Variants in RAB3IP observed in about 807,000 individuals in gnomAD.
The protein encoded by RAB3IP is rab-3A-interacting protein.
A neutral mutation model predicts 59.1 loss-of-function variants in RAB3IP; 36 were observed. The ratio of observed to expected loss-of-function variants is 0.61; its 90% CI spans 0.47 to 0.80. The LOEUF (loss-of-function observed/expected upper bound fraction) is 0.80. RAB3IP is among the 30% of genes least tolerant of loss of function. The pLI is 0.00. For synonymous variants in RAB3IP, 207 were observed against 191.2 expected, an observed-to-expected ratio of 1.08 and a Z score of -0.68; for missense variants, 511 against 536.0, an observed-to-expected ratio of 0.95 and a Z score of 0.46.
chr12:69,767,574 A>G (rs1348156656), intron 3 of RAB3IP, among the ~76,000 whole-genome samples: 3 of 152,242 alleles, frequency 2.0e-5, no homozygotes, highest in Admixed American at 2.0e-4. Flanking sequence ...AATCCCCTTC[A>G]GCCCTAAGTT....
At chr12:69,778,499 TAG>T (rs1299817909) in intron 3 of RAB3IP, among the ~76,000 whole-genome samples, 2 of 149,010 alleles carry the variant, frequency 1.3e-5, no homozygotes, top group African/African-American at 5.0e-5. Context: ...CTCTGATTTT[TAG>T]AGTTTCCAGT....
chr12:69,804,977 A>G (rs1371012295), intron 8 of RAB3IP, among the ~76,000 whole-genome samples: 3 of 152,258 alleles, frequency 2.0e-5, no homozygotes, highest in South Asian at 4.1e-4. Context: ...TTGGCAATGT[A>G]GGCTCTTTTT....
upstream of RAB3IP, chr12:69,738,596 GACGAAACAGAGCGCGGGCCC>G (rs1886895658): frequency 1.2e-5 from 1 of 81,564 alleles, no homozygotes; most frequent in East Asian, 3.0e-4. Context: ...GCGCGGGCCC[GACGAAACAGAGCGCGGGCCC>G]GACGAAACAG....
intron 4 of RAB3IP, among the ~76,000 whole-genome samples, chr12:69,794,184 G>T (rs146696107): frequency 3.9e-5 from 6 of 152,122 alleles, no homozygotes; most frequent in African/African-American, 1.4e-4. Context: ...CAGTCCTTAC[G>T]CAAGTATCTA....
rs936543731 is a variant in RAB3IP, at chr12:69,766,912, C to G, written c.510+10249C>G. Among the ~76,000 whole-genome samples, 4 of 152,318 alleles carry G rather than the reference C, an allele frequency of 2.6e-5. No homozygotes were observed. The East Asian group carries it at 7.7e-4, about 29-fold the overall frequency. ...AAGTTTCTTCTATGTTGATTGTCAACTCTGTCTTGGATCTCATTGATCTTC... is the reference window on the plus strand; with the variant it reads ...AAGTTTCTTCTATGTTGATTGTCAAGTCTGTCTTGGATCTCATTGATCTTC... On this transcript the variant is annotated intron_variant, in intron 3 of 10. Transcript: ENST00000247833.
Position 69,813,046 on chromosome 12 carries a change from G to T in RAB3IP, c.1300+13G>T, listed in dbSNP as rs768940632. 2 of 1,592,886 alleles carry T rather than the reference G, an allele frequency of 1.3e-6. No individual in the cohort carries two copies. The highest frequency in any genetic ancestry group is 1.1e-5 in the South Asian group (1 of 89,044). ...AAACAGCAGGATGGTGAGTGTTCTT[G>T]ATTCAATATAAGTCTTTACATAAAA... On this transcript the variant is annotated intron_variant, in intron 10 of 10. Coordinates refer to ENST00000247833, the MANE Select transcript of RAB3IP (RefSeq NM_022456.5).
intron 8 of RAB3IP, among the ~76,000 whole-genome samples, chr12:69,809,842 G>A (rs181300323): frequency 1.4e-3 from 211 of 152,118 alleles, no homozygotes; most frequent in African/African-American, 4.7e-3. Flanking sequence ...CCATTGGTTC[G>A]AACTTCCTCC....
rs919171696 is a variant in RAB3IP, at chr12:69,755,415, A to G, written c.7A>G (p.Asn3Asp). MA[N>D]DPLEGFHEVN... ...TTATGATGAGGCTTTTGCTATGGCT[A>G]ATGATCCCTTGGAAGGCTTCCATGA... The change falls in exon 2 of 11, where the codon AAT (asparagine) becomes GAT (aspartate). Residue 3 changes from asparagine to aspartate, a missense_variant. Physicochemically the swap from Asn to Asp is conservative, Grantham distance 23. Coordinates refer to ENST00000247833, the MANE Select transcript of RAB3IP (RefSeq NM_022456.5). The G allele has an allele frequency of 1.1e-5, 17 of 1,614,024 alleles. No homozygotes were observed. The highest frequency in any genetic ancestry group is 1.4e-5 in the Non-Finnish European group (17 of 1,179,924).
intron 8 of RAB3IP, among the ~76,000 whole-genome samples, chr12:69,806,319 A>G (rs189364731): frequency 1.3e-5 from 2 of 152,252 alleles, no homozygotes; most frequent in African/African-American, 4.8e-5. Flanking sequence ...GGTAGTTTGT[A>G]TTTCTGTGGG....
intron 8 of RAB3IP, among the ~76,000 whole-genome samples, chr12:69,805,973 C>G (rs2136263875): frequency 6.6e-6 from 1 of 152,174 alleles, no homozygotes; most frequent in East Asian, 1.9e-4. Flanking sequence ...TTTGTTATGT[C>G]TCTGCCCGGC....
rs1425509742 is a variant in RAB3IP, at chr12:69,819,914, A to G, written c.*4468A>G. 1 of 152,138 alleles carries G rather than the reference A, an allele frequency of 6.6e-6. No individual in the cohort carries two copies. Among genetic ancestry groups the G allele is most frequent in the Non-Finnish European group, 1.5e-5 (1 of 68,048 alleles). 9.4% of individuals were successfully genotyped at this position (152,138 alleles called of 1,614,324 possible). ...GCTTGAAGACAATTTACAGTCTTTG[A>G]CTAAGCATCCACACTGGAAGAACAA... On this transcript the variant is annotated 3_prime_UTR_variant, in exon 11 of 11. Transcript: ENST00000247833.
chr12:69,794,311 A>C, intron 4 of RAB3IP, 126 bp from the exon 5 acceptor site: 1 of 694,020 alleles, frequency 1.4e-6, no homozygotes, highest in African/African-American at 1.8e-5. Context: ...CATAGTTGAC[A>C]TTGAATACTT....
intron 8 of RAB3IP, among the ~76,000 whole-genome samples, chr12:69,802,122 C>G (rs796536151): frequency 1.2e-4 from 18 of 150,984 alleles, no homozygotes; most frequent in African/African-American, 4.4e-4. Context: ...ATTGTGAAAT[C>G]AGTTTAGTGG....
At chr12:69,798,177 C>T (rs1294501821) in intron 6 of RAB3IP, among the ~76,000 whole-genome samples, 1 of 152,204 alleles carries the variant, frequency 6.6e-6, no homozygotes, top group Non-Finnish European at 1.5e-5. Flanking sequence ...ACATCCTCTC[C>T]AGCACCTGTT....
intron 3 of RAB3IP, among the ~76,000 whole-genome samples, chr12:69,773,151 A>C (rs1004771708): frequency 2.0e-5 from 3 of 152,022 alleles, no homozygotes; most frequent in Non-Finnish European, 2.9e-5. Context: ...CTTGCTGAGA[A>C]GTTTGGTGCC....
chr12:69,798,615 A>G (rs964088713), intron 6 of RAB3IP, among the ~76,000 whole-genome samples: 1 of 152,090 alleles, frequency 6.6e-6, no homozygotes, highest in African/African-American at 2.4e-5. Context: ...TATGTCCTGA[A>G]TGGTATTGCA....
At position 69,801,618 on chromosome 12, in the gene RAB3IP, G is replaced by C. The variant is rs149176998; in HGVS notation, c.1027G>C (p.Ala343Pro). 3.1e-6 allele frequency: 5 copies of C among 1,606,634 alleles called. No homozygotes were observed. The African/African-American group carries it at 4.0e-5, about 13-fold the overall frequency. Residue 343 changes from alanine (A) to proline (P), a missense_variant, in exon 8 of 11, where the codon GCT becomes CCT. Ala to Pro is a conservative substitution (Grantham distance 27). Transcript: ENST00000247833. ...LTFSKSELASAVLEAVENNTL... is the reference protein window; with the variant it reads ...LTFSKSELASPVLEAVENNTL... ...TTTCTTTTTTTTTAAGTTGGCTTCA[G>C]CTGTTCTGGAGGCTGTGGAAAACAA...
At chr12:69,809,734 A>G (rs11177873) in intron 8 of RAB3IP, among the ~76,000 whole-genome samples, 16,199 of 152,158 alleles carry the variant, frequency 0.11, 1,177 homozygotes, top group Non-Finnish European at 0.16. Flanking sequence ...TTCTCATGCC[A>G]TGGTTTTCAG....
rs774338645 is a variant in RAB3IP, at chr12:69,813,015, CT to C, written c.1283del (p.Leu428ProfsTer2). The C allele has an allele frequency of 6.2e-7, 1 of 1,612,166 alleles. No homozygotes were observed. On this transcript the variant is annotated frameshift_variant, in exon 10 of 11. Transcript: ENST00000247833. LOFTEE classifies it high-confidence loss of function. ...ATACATTCGATACATTCAGCAGGGA[CT>C]CGTGAAACAGCAGGATGGTGAGTGT... ...FTYIRYIQQG[L>X]VKQQDVDQMF...
Sources: allele counts gnomAD v4.1 joint callset (sites outside exome capture counted in the v4.1 genomes callset), GRCh38; gene constraint gnomAD v4.1.1; transcripts MANE v1.5; gene names NCBI Gene and HGNC (gene_info 2026-07-23, HGNC 2026-07-21).